The following CTNND2 variants were observed in gnomAD, a reference collection of about 807,000 sequenced individuals.
CTNND2 encodes catenin delta 2.
A neutral mutation model predicts 144.4 loss-of-function variants in CTNND2; 22 were observed. The observed-to-expected ratio is 0.15, with a 90% CI of 0.11 to 0.22. The LOEUF (loss-of-function observed/expected upper bound fraction) is 0.22, where lower values mean the gene tolerates loss of function less well. Among genes scored for constraint, CTNND2 ranks in the 10% least tolerant of loss-of-function variants. The pLI, the probability that CTNND2 is intolerant of heterozygous loss-of-function variation, is 1.00. For missense variants in CTNND2, 1,353 were observed against 1,618.8 expected, an observed-to-expected ratio of 0.84 and a Z score of 2.82; for synonymous variants, 751 against 695.6, an observed-to-expected ratio of 1.08 and a Z score of -1.25.
At chr5:11,467,584 G>C (rs1269163501) in intron 3 of CTNND2, among the ~76,000 whole-genome samples, 3 of 152,224 alleles carry the variant, frequency 2.0e-5, no homozygotes, top group African/African-American at 7.2e-5. Context: ...GGTTGTGTGT[G>C]TGAGTCAAAA....
chr5:11,640,932 C>T (rs1043190504), intron 2 of CTNND2, among the ~76,000 whole-genome samples: 1 of 152,146 alleles, frequency 6.6e-6, no homozygotes, highest in African/African-American at 2.4e-5. Context: ...TAGGAACATA[C>T]TCTAAAGTAT....
chr5:11,431,055 A>G (rs1763245972), intron 3 of CTNND2, among the ~76,000 whole-genome samples: 1 of 152,232 alleles, frequency 6.6e-6, no homozygotes, highest in African/African-American at 2.4e-5. Context: ...GTCAGTAGAA[A>G]TATCATCATA....
intron 16 of CTNND2, among the ~76,000 whole-genome samples, chr5:11,057,483 G>A (rs890114708): frequency 6.6e-6 from 1 of 152,224 alleles, no homozygotes; most frequent in African/African-American, 2.4e-5. Flanking sequence ...CACGTAAGAT[G>A]TGACTTGCTC....
At chr5:11,113,019 T>C (rs1260031818) in intron 13 of CTNND2, among the ~76,000 whole-genome samples, 1 of 152,076 alleles carries the variant, frequency 6.6e-6, no homozygotes, top group Non-Finnish European at 1.5e-5. Context: ...CGGGCACCTG[T>C]AGTCCCAGCT....
intron 16 of CTNND2, among the ~76,000 whole-genome samples, chr5:11,069,005 A>G (rs1439040428): frequency 6.6e-6 from 1 of 152,228 alleles, no homozygotes; most frequent in Admixed American, 6.5e-5. Context: ...GAAGGAAGAC[A>G]CTGTCCGTGT....
chr5:11,581,264 C>T (rs1778407180), intron 2 of CTNND2, among the ~76,000 whole-genome samples: 1 of 151,944 alleles, frequency 6.6e-6, no homozygotes, highest in Non-Finnish European at 1.5e-5. Context: ...ATTTTTTTAT[C>T]TTATATTTTT....
chr5:11,617,424 GC>G (rs1780631497), intron 2 of CTNND2, among the ~76,000 whole-genome samples: 1 of 152,024 alleles, frequency 6.6e-6, no homozygotes, highest in Non-Finnish European at 1.5e-5. Context: ...TTTATGTTTT[GC>G]CTTCTATGTT....
intron 7 of CTNND2, among the ~76,000 whole-genome samples, chr5:11,382,562 C>G (rs1758600386): frequency 6.6e-6 from 1 of 151,366 alleles, no homozygotes; most frequent in Non-Finnish European, 1.5e-5. Context: ...CGCACCACTG[C>G]ACTCCAGCCT....
At chr5:11,643,308 A>T (rs1200605530) in intron 2 of CTNND2, among the ~76,000 whole-genome samples, 1 of 151,664 alleles carries the variant, frequency 6.6e-6, no homozygotes, top group Non-Finnish European at 1.5e-5. Context: ...ATATGTATAC[A>T]TGTGCCATGT....
chr5:11,541,571 T>C (rs963243067), intron 3 of CTNND2, among the ~76,000 whole-genome samples: 1 of 152,176 alleles, frequency 6.6e-6, no homozygotes, highest in African/African-American at 2.4e-5. Context: ...ACTAAGCTTC[T>C]AGTCTTAGAG....
intron 3 of CTNND2, among the ~76,000 whole-genome samples, chr5:11,444,943 T>C (rs1764671448): frequency 6.6e-6 from 1 of 152,080 alleles, no homozygotes; most frequent in African/African-American, 2.4e-5. Context: ...AGGTGGCCCA[T>C]TCAGGCCCGA....
chr5:11,818,555 A>T (rs1439494962), intron 1 of CTNND2, among the ~76,000 whole-genome samples: 1 of 152,030 alleles, frequency 6.6e-6, no homozygotes, highest in Non-Finnish European at 1.5e-5. Flanking sequence ...CTTAGTAGAG[A>T]CGCAGTTTCA....
At chr5:11,211,214 C>T (rs1283409431) in intron 10 of CTNND2, among the ~76,000 whole-genome samples, 1 of 151,982 alleles carries the variant, frequency 6.6e-6, no homozygotes, top group African/African-American at 2.4e-5. Flanking sequence ...GACAGAGGCC[C>T]CAAGGAGAGG....
chr5:11,495,967 A>G (rs61757519), intron 3 of CTNND2, among the ~76,000 whole-genome samples: 19,127 of 152,034 alleles, frequency 0.13, 1,250 homozygotes, highest in Middle Eastern at 0.28. Context: ...ACCTCAAGTC[A>G]TTGCTATGAT....
chr5:11,484,830 T>C (rs532477420), intron 3 of CTNND2, among the ~76,000 whole-genome samples: 11 of 152,180 alleles, frequency 7.2e-5, no homozygotes, highest in Non-Finnish European at 1.5e-4. Flanking sequence ...AAGAGCTCAA[T>C]TGTGCTGGAG....
intron 1 of CTNND2, among the ~76,000 whole-genome samples, chr5:11,741,368 C>T (rs1018950133): frequency 6.6e-6 from 1 of 152,126 alleles, no homozygotes; most frequent in Non-Finnish European, 1.5e-5. Flanking sequence ...CACATATACA[C>T]CATGGAATAC....
intron 11 of CTNND2, among the ~76,000 whole-genome samples, chr5:11,191,490 C>T (rs1171969017): frequency 6.6e-6 from 1 of 152,190 alleles, no homozygotes; most frequent in Non-Finnish European, 1.5e-5. Flanking sequence ...TGTGCTGTGT[C>T]ACCCCAGCTG....
intron 1 of CTNND2, among the ~76,000 whole-genome samples, chr5:11,898,603 T>C (rs774996213): frequency 1.8e-4 from 28 of 152,168 alleles, no homozygotes; most frequent in Non-Finnish European, 3.2e-4. Context: ...AAACATCCTA[T>C]TTAGTAACAT....
At chr5:11,558,802 ACTGT>A (rs1776450593) in intron 3 of CTNND2, among the ~76,000 whole-genome samples, 1 of 152,124 alleles carries the variant, frequency 6.6e-6, no homozygotes, top group African/African-American at 2.4e-5. Context: ...CTATGCACTT[ACTGT>A]CTATGTGGCA....
Sources: allele counts gnomAD v4.1 joint callset (sites outside exome capture counted in the v4.1 genomes callset), GRCh38; gene constraint gnomAD v4.1.1; transcripts MANE v1.5; gene names NCBI Gene and HGNC (gene_info 2026-07-23, HGNC 2026-07-21).